APOB: variants seen among roughly 807,000 people sequenced by gnomAD.
APOB encodes apolipoprotein B, also known as apolipoprotein B-100.
APOB carries 153 observed loss-of-function variants against 314.1 expected under a neutral mutation model. That is an observed-to-expected ratio of 0.49 (90% CI 0.43 to 0.56). APOB has a LOEUF of 0.56. APOB is among the 20% of genes least tolerant of loss of function. The pLI is 0.00. For missense variants in APOB, 5,430 were observed against 5,350.7 expected (o/e 1.01, Z -0.46); for synonymous variants, 2,087 against 2,036.4 (o/e 1.02, Z -0.67).
chr2:21,015,260 T>A lies in APOB; in HGVS notation c.3509A>T (p.Asp1170Val). Residue 1170 changes from aspartate to valine, a missense_variant and splice_region_variant, in exon 23 of 29, where the codon GAT (aspartate) becomes GTT (valine). Transcript: ENST00000233242. Reference sequence around the variant, plus strand: ...CCATTCAAATTCAATCTTCTCTTCATCTGAAAATACGTAGGAAATAGTTGT... The same window carrying A: ...CCATTCAAATTCAATCTTCTCTTCAACTGAAAATACGTAGGAAATAGTTGT... ...TVSKRVAWHYDEEKIEFEWNT... is the reference protein window; with the variant it reads ...TVSKRVAWHYVEEKIEFEWNT... 6.2e-7 allele frequency: 1 copy of A among 1,614,166 alleles called. No individual in the cohort carries two copies. Among genetic ancestry groups the A allele is most frequent in the African/African-American group, 1.3e-5 (1 of 75,046 alleles).
chr2:21,002,254 C>G lies in APOB; in HGVS notation c.13168G>C (p.Asp4390His), dbSNP rs771015234. ...YIMALREEYFDPSIVGWTVKY... is the reference protein window; with the variant it reads ...YIMALREEYFHPSIVGWTVKY... ...ACTGTCCAGCCAACTATACTTGGAT[C>G]AAAATATTCTTCACGAAGGGCCATA... The change falls in exon 29 of 29, where the codon GAT becomes CAT. Residue 4390 changes from aspartate to histidine, a missense_variant. Coordinates refer to ENST00000233242, the MANE Select transcript of APOB (RefSeq NM_000384.3). The G allele has an allele frequency of 6.2e-6, 10 of 1,613,946 alleles. No homozygotes were observed. In the South Asian group the frequency reaches 1.1e-4, roughly 18 times the overall value.
chr2:21,006,979 A>T lies in APOB; in HGVS notation c.9889T>A (p.Leu3297Ile), dbSNP rs1156743817. 6.2e-7 allele frequency: 1 copy of T among 1,613,964 alleles called. No individual in the cohort carries two copies. Among genetic ancestry groups the T allele is most frequent in the Non-Finnish European group, 8.5e-7 (1 of 1,179,960 alleles). The part of the protein sequence containing the change: ...GSDVRVPSYT[L>I]ILPSLELPVL... The stretch of plus-strand genomic sequence containing the variant: ...GGCAGCTCTAATGATGGCAGGATTA[A>T]TGTGTATGAAGGCACACGGACGTCA... Residue 3297 changes from leucine (L) to isoleucine (I), a missense_variant, in exon 26 of 29, where the codon TTA becomes ATA. Coordinates refer to ENST00000233242, the MANE Select transcript of APOB (RefSeq NM_000384.3).
At chr2:21,023,789 T>A in intron 16 of APOB, 97 bp from the exon 17 acceptor site, 2 of 1,051,278 alleles carry the variant, frequency 1.9e-6, no homozygotes, top group Non-Finnish European at 2.7e-6. Flanking sequence ...AATTCCTCTT[T>A]ATCTGGAAAG....
In APOB at chr2:21,032,494, G is replaced by A. The variant is rs760054623; in HGVS notation, c.1212C>T (p.Asn404=). 2 of 1,614,228 alleles carry A rather than the reference G, an allele frequency of 1.2e-6. No homozygotes were observed. The highest frequency in any genetic ancestry group is 4.5e-5 in the East Asian group (2 of 44,890). Residue 404 remains asparagine (N), a synonymous_variant, in exon 10 of 29, where the codon AAC becomes AAT. Coordinates refer to ENST00000233242, the MANE Select transcript of APOB (RefSeq NM_000384.3). The part of the protein sequence containing the change: ...ILQWLKRVHA[N]PLLIDVVTYL... ...AGGTGACCACATCTATCAGAAGGGG[G>A]TTGGCATGCACACGTTTCAGCCACT...
Position 21,013,547 on chromosome 2 carries a change from C to T in APOB, c.3843-14G>A, listed in dbSNP as rs753139815. On this transcript the variant is annotated splice_polypyrimidine_tract_variant and intron_variant, in intron 24 of 28. Coordinates refer to ENST00000233242, the MANE Select transcript of APOB (RefSeq NM_000384.3). ...ACCCGGCCATCGCTGAAATGAACAA[C>T]AAAGATAACATCCCCACAGTCAGAC... The T allele has an allele frequency of 1.9e-6, 3 of 1,613,948 alleles. No homozygotes were observed. Among genetic ancestry groups the T allele is most frequent in the East Asian group, 4.5e-5 (2 of 44,884 alleles).
chr2:21,043,190 C>T (rs1227826671), intron 2 of APOB, among the ~76,000 whole-genome samples: 2 of 151,890 alleles, frequency 1.3e-5, no homozygotes, highest in African/African-American at 4.8e-5. Flanking sequence ...TTTCCTCACC[C>T]TCACATGCTT....
In APOB at chr2:21,007,091, T is replaced by G; in HGVS notation, c.9777A>C (p.Glu3259Asp). The stretch of plus-strand genomic sequence containing the variant: ...ACATCTCTATGGTGAATGGAGACAC[T>G]TCAACATTGACAACTGGAACAGTGT... ...PGYTVPVVNV[E>D]VSPFTIEMSA... Residue 3259 changes from glutamate to aspartate, a missense_variant, in exon 26 of 29, where the codon GAA (glutamate) becomes GAC (aspartate). Physicochemically the swap from Glu to Asp is conservative, Grantham distance 45 (BLOSUM62 2). Around this residue, in one of 3 missense-constraint regions of APOB, gnomAD observed 3,281 missense variants for 3,171.0 expected, o/e 1.03. Transcript: ENST00000233242. 1.2e-6 allele frequency: 2 copies of G among 1,614,036 alleles called. No individual in the cohort carries two copies. The highest frequency in any genetic ancestry group is 1.7e-6 in the Non-Finnish European group (2 of 1,179,950).
Position 21,023,533 on chromosome 2 carries a change from C to T in APOB, c.2596G>A (p.Val866Ile). ...PGAKAGVKLE[V>I]ANMQAELVAK... Reference sequence around the variant, plus strand: ...GGCAAACAGAATCTTACGTTGGCTACTTCCAGTTTTACTCCAGCCTTGGCT... The same window carrying T: ...GGCAAACAGAATCTTACGTTGGCTATTTCCAGTTTTACTCCAGCCTTGGCT... Residue 866 changes from valine to isoleucine, a missense_variant, in exon 17 of 29, where the codon GTA becomes ATA. Val to Ile is a conservative substitution (Grantham distance 29). Transcript: ENST00000233242. 2 of 1,614,176 alleles carry T rather than the reference C, an allele frequency of 1.2e-6. No homozygotes were observed. The highest frequency in any genetic ancestry group is 2.7e-5 in the African/African-American group (2 of 75,064).
intron 25 of APOB, 79 bp from the exon 26 acceptor site, chr2:21,012,730 T>C: frequency 6.0e-6 from 9 of 1,487,944 alleles, no homozygotes; most frequent in Admixed American, 1.8e-5. Flanking sequence ...AGTCTTTCAA[T>C]AATAAAGCCC....
At chr2:21,017,250 T>C (rs1239717383) in intron 20 of APOB, among the ~76,000 whole-genome samples, 1 of 152,162 alleles carries the variant, frequency 6.6e-6, no homozygotes, top group Non-Finnish European at 1.5e-5. Context: ...GAGCCTATTG[T>C]GTGCTGGGCA....
In APOB at chr2:21,005,975, G is replaced by T; in HGVS notation, c.10893C>A (p.Ile3631=). Residue 3631 remains isoleucine, a synonymous_variant, in exon 26 of 29, where the codon ATC becomes ATA. Transcript: ENST00000233242. ...GAATCCGGACTTCATTTTTCCATCT[G>T]ATCTTCTGGTTCTTAGTGTTAGCAT... is the stretch of plus-strand genomic sequence containing the variant. ...ALNANTKNQK[I]RWKNEVRIHS... The T allele has an allele frequency of 6.2e-7, 1 of 1,613,898 alleles. No homozygotes were observed. The highest frequency in any genetic ancestry group is 8.5e-7 in the Non-Finnish European group (1 of 1,179,932).
In APOB at chr2:21,028,055, A is replaced by G; in HGVS notation, c.1840T>C (p.Leu614=). The change falls in exon 14 of 29, where the codon TTA becomes CTA. Residue 614 remains leucine, a synonymous_variant. Coordinates refer to ENST00000233242, the MANE Select transcript of APOB (RefSeq NM_000384.3). ...EELDIQDLKK[L]VKEALKESQL... ...GATTCTTTCAGAGCTTCTTTCACTA[A>G]CTTTTTCAGACTAGATAAGAAGAAG... The G allele has an allele frequency of 6.3e-7, 1 of 1,598,622 alleles. No individual in the cohort carries two copies. The highest frequency in any genetic ancestry group is 8.6e-7 in the Non-Finnish European group (1 of 1,165,948).
intron 28 of APOB, 111 bp from the exon 29 acceptor site, chr2:21,003,445 A>T (rs2103348603): frequency 1.0e-6 from 1 of 952,644 alleles, no homozygotes; most frequent in East Asian, 2.4e-5. Flanking sequence ...AATCTTTCAT[A>T]TACTGAAAGG....
Position 21,014,559 on chromosome 2 carries a change from C to T in APOB, c.3731G>A (p.Ser1244Asn), listed in dbSNP as rs537054558. 15 of 1,614,038 alleles carry T rather than the reference C, an allele frequency of 9.3e-6. No individual in the cohort carries two copies. In the South Asian group the frequency reaches 1.6e-4, roughly 18 times the overall value. The change falls in exon 24 of 29, where the codon AGT becomes AAT. Residue 1244 changes from serine to asparagine, a missense_variant. Ser to Asn is a conservative substitution (Grantham distance 46). Transcript: ENST00000233242. ...TTGCAAAGTCTGGGTATAAGGAAGA[C>T]TCCCAGATGCCTTCTGAAGCCATGA... is the stretch of plus-strand genomic sequence containing the variant. ...MSSWLQKASG[S>N]LPYTQTLQDH...
At position 21,026,779 on chromosome 2, in the gene APOB, A is replaced by G; in HGVS notation, c.2244+9T>C. ...GCTTTCCTTAAGAAGATACTTCACA[A>G]ATACACACCTGCTCATGTTTATCAT... On this transcript the variant is annotated intron_variant, in intron 15 of 28. Transcript: ENST00000233242. 2 of 1,611,090 alleles carry G rather than the reference A, an allele frequency of 1.2e-6. No homozygotes were observed. The highest frequency in any genetic ancestry group is 1.7e-6 in the Non-Finnish European group (2 of 1,177,260).
At position 21,007,837 on chromosome 2, in the gene APOB, C is replaced by T. The variant is rs1270452707; in HGVS notation, c.9031G>A (p.Gly3011Arg). ...CCAGTAAACTCTGCCTTCCCTTCTCCAAACAGTGCCATGCCTTTAGCAGTT... is the reference window on the plus strand; with the variant it reads ...CCAGTAAACTCTGCCTTCCCTTCTCTAAACAGTGCCATGCCTTTAGCAGTT... ...VLTAKGMALF[G>R]EGKAEFTGRH... The change falls in exon 26 of 29, where the codon GGA (glycine) becomes AGA (arginine). Residue 3011 changes from glycine (G) to arginine (R), a missense_variant. Gly to Arg is a moderately radical substitution (Grantham distance 125). This residue lies in a region of APOB where 3,281 missense variants were observed against 3,171.0 expected (regional missense o/e 1.03). Coordinates refer to ENST00000233242, the MANE Select transcript of APOB (RefSeq NM_000384.3). 1 of 1,614,084 alleles carries T rather than the reference C, an allele frequency of 6.2e-7. No homozygotes were observed. The highest frequency in any genetic ancestry group is 8.5e-7 in the Non-Finnish European group (1 of 1,179,952).
rs2103390378 is a variant in APOB, at chr2:21,043,854, G to A, written c.82+10C>T. The A allele has an allele frequency of 3.3e-6, 5 of 1,523,378 alleles. No individual in the cohort carries two copies. The highest frequency in any genetic ancestry group is 4.4e-6 in the Non-Finnish European group (5 of 1,141,004). The allele number at this position is 1,523,378 out of a possible 1,614,324, so 94.4% of individuals were successfully genotyped here. On this transcript the variant is annotated intron_variant, in intron 1 of 28. Transcript: ENST00000233242. ...CTCCCTCTGCGCCCGCAGAGCGGCC[G>A]CGCACTCACCGGCCCTGGCGCCCGC...
At position 21,034,891 on chromosome 2, in the gene APOB, C is replaced by A; in HGVS notation, c.829G>T (p.Gly277Trp). The change falls in exon 8 of 29, where the codon GGG becomes TGG. Residue 277 changes from glycine (G) to tryptophan (W), a missense_variant. Transcript: ENST00000233242. Reference sequence around the variant, plus strand: ...GTCTGTGTCACTTGTGCTACCATCCCATACTTATTCCTGGTAACCAAGGAA... The same window carrying A: ...GTCTGTGTCACTTGTGCTACCATCCAATACTTATTCCTGGTAACCAAGGAA... ...FLPFSYKNKY[G>W]MVAQVTQTLK... 1 of 1,562,502 alleles carries A rather than the reference C, an allele frequency of 6.4e-7. No homozygotes were observed. Among genetic ancestry groups the A allele is most frequent in the Non-Finnish European group, 8.8e-7 (1 of 1,132,904 alleles).
In APOB at chr2:21,012,517, C is replaced by A. The variant is rs970842288; in HGVS notation, c.4351G>T (p.Gly1451Cys). 6 of 1,614,016 alleles carry A rather than the reference C, an allele frequency of 3.7e-6. No individual in the cohort carries two copies. The African/African-American group carries it at 5.3e-5, about 14-fold the overall frequency. ...EKLGNNPVSK[G>C]LLIFDASSSW... is the part of the protein sequence containing the mutation. The stretch of plus-strand genomic sequence containing the variant: ...CTAGATGCATCGAATATTAGTAAAC[C>A]TTTTGAGACTGGGTTGTTTCCAAGT... The change falls in exon 26 of 29, where the codon GGT becomes TGT. Residue 1451 changes from glycine to cysteine, a missense_variant. Coordinates refer to ENST00000233242, the MANE Select transcript of APOB (RefSeq NM_000384.3).
Sources: allele counts gnomAD v4.1 joint callset (sites outside exome capture counted in the v4.1 genomes callset), GRCh38; gene constraint gnomAD v4.1.1; regional missense constraint gnomAD v4.1.1; transcripts MANE v1.5; gene names NCBI Gene and HGNC (gene_info 2026-07-23, HGNC 2026-07-21).